Variants in ZFHX3 observed in about 807,000 individuals in gnomAD.
ZFHX3 encodes zinc finger homeobox protein 3.
ZFHX3 carries 42 observed loss-of-function variants against 279.1 expected under a neutral mutation model. That is an observed-to-expected ratio of 0.15 (90% CI 0.12 to 0.19). The LOEUF (loss-of-function observed/expected upper bound fraction) is 0.19. Among genes scored for constraint, ZFHX3 ranks in the 10% least tolerant of loss-of-function variants. ZFHX3 has a pLI of 1.00. For missense variants in ZFHX3, 4,981 were observed against 4,754.0 expected, an observed-to-expected ratio of 1.05 and a Z score of -1.40; for synonymous variants, 2,293 against 1,957.8, an observed-to-expected ratio of 1.17 and a Z score of -4.52.
chr16:72,963,488 A>C (rs1279227959), intron 1 of ZFHX3, among the ~76,000 whole-genome samples: 3 of 152,228 alleles, frequency 2.0e-5, no homozygotes, highest in Non-Finnish European at 4.4e-5. Context: ...TAAATCTGCC[A>C]TCTGAAAGGT....
intron 3 of ZFHX3, among the ~76,000 whole-genome samples, chr16:73,436,058 G>GC (rs2017992315): frequency 1.3e-5 from 2 of 152,176 alleles, no homozygotes; most frequent in Non-Finnish European, 2.9e-5. Flanking sequence ...AGCCCGGCGC[G>GC]GTGGCTCACG....
At chr16:73,483,476 C>A in intron 2 of ZFHX3, 1 of 433,518 alleles carries the variant, frequency 2.3e-6, no homozygotes, top group Non-Finnish European at 4.6e-6. Flanking sequence ...TCTGCCAATT[C>A]AAATGGCAGT....
At chr16:72,906,392 C>A (rs981948659) in intron 3 of ZFHX3, among the ~76,000 whole-genome samples, 1 of 151,690 alleles carries the variant, frequency 6.6e-6, no homozygotes, top group Non-Finnish European at 1.5e-5. Context: ...GGCATGGGAC[C>A]GGGGTGGGGA....
At chr16:73,027,629 C>T (rs1205105343) in intron 1 of ZFHX3, among the ~76,000 whole-genome samples, 2 of 152,122 alleles carry the variant, frequency 1.3e-5, no homozygotes, top group African/African-American at 4.8e-5. Context: ...TTAAATACAG[C>T]GTTAGGGAAA....
chr16:73,709,226 C>A (rs1227326945), intron 1 of ZFHX3, among the ~76,000 whole-genome samples: 1 of 151,856 alleles, frequency 6.6e-6, no homozygotes, highest in Non-Finnish European at 1.5e-5. Context: ...TTAGCCAGGC[C>A]TAGTGGGGTG....
At chr16:73,013,237 C>T (rs971217776) in intron 1 of ZFHX3, among the ~76,000 whole-genome samples, 4 of 152,188 alleles carry the variant, frequency 2.6e-5, no homozygotes, top group Admixed American at 1.3e-4. Context: ...CTTATTCCCA[C>T]AACACTTGGA....
chr16:72,914,891 T>G (rs35760208), intron 3 of ZFHX3, among the ~76,000 whole-genome samples: 19,855 of 152,156 alleles, frequency 0.13, 1,742 homozygotes, highest in Non-Finnish European at 0.2. Context: ...CTCGGGTGGC[T>G]GAGGCAGGAG....
At chr16:73,329,586 T>C (rs1216173756) in intron 3 of ZFHX3, among the ~76,000 whole-genome samples, 9 of 152,234 alleles carry the variant, frequency 5.9e-5, no homozygotes. Flanking sequence ...CTCCAGCATC[T>C]ACAAGCACTT....
chr16:72,987,909 T>A (rs1370358434), intron 1 of ZFHX3, among the ~76,000 whole-genome samples: 1 of 152,200 alleles, frequency 6.6e-6, no homozygotes, highest in Non-Finnish European at 1.5e-5. Context: ...AACTCCAAGC[T>A]GGACGCCCTA....
rs768260931 is a variant in ZFHX3 at position 72,787,746 on chromosome 16, G to A, written c.10530C>T (p.Gly3510=). Residue 3510 remains glycine, a synonymous_variant, in exon 10 of 10, where the codon GGC becomes GGT. Transcript: ENST00000268489. ...CGCCGCCGCCGCCGCCACTGCCACC[G>A]CCGCCGCCGCCGGTGGGGACGTGAA... ...MVLHVPTGGG[G]GGSGGGGGGG... 26 of 1,332,774 alleles carry A rather than the reference G, an allele frequency of 2.0e-5. No individual in the cohort carries two copies. Among genetic ancestry groups the A allele is most frequent in the South Asian group, 1.1e-4 (5 of 44,980 alleles). 82.6% of individuals were successfully genotyped at this position (1,332,774 alleles called of 1,614,324 possible). A position where few individuals can be genotyped will look rare whatever the true frequency, so the allele number is the denominator to read the frequency against.
intron 3 of ZFHX3, among the ~76,000 whole-genome samples, chr16:73,352,423 A>C (rs1361787445): frequency 6.7e-6 from 1 of 148,488 alleles, no homozygotes; most frequent in African/African-American, 2.5e-5. Context: ...TGTTATAAGG[A>C]TAAACGGTGT....
chr16:73,621,580 A>G (rs996859967), intron 2 of ZFHX3, among the ~76,000 whole-genome samples: 1 of 152,198 alleles, frequency 6.6e-6, no homozygotes, highest in Admixed American at 6.5e-5. Context: ...CTAGCACAGC[A>G]TCGGGGAGGG....
intron 3 of ZFHX3, among the ~76,000 whole-genome samples, chr16:73,389,421 C>T (rs1412360188): frequency 6.6e-6 from 1 of 152,174 alleles, no homozygotes; most frequent in Non-Finnish European, 1.5e-5. Flanking sequence ...AAAATCTATT[C>T]CTTAAAAATT....
intron 2 of ZFHX3, among the ~76,000 whole-genome samples, chr16:73,616,426 A>G (rs530619677): frequency 8.2e-6 from 1 of 121,866 alleles, no homozygotes; most frequent in East Asian, 2.2e-4. Flanking sequence ...GCAACTATGG[A>G]GGAAAAAAAA....
chr16:73,070,938 G>GCGCA (rs1213455130), intron 8 of ZFHX3, among the ~76,000 whole-genome samples: 256 of 22,596 alleles, frequency 0.011, 3 homozygotes, highest in African/African-American at 0.02. Flanking sequence ...GCGCGCGCGC[G>GCGCA]CACACACACA....
intron 1 of ZFHX3, among the ~76,000 whole-genome samples, chr16:73,682,614 C>T (rs947913752): frequency 1.9e-4 from 29 of 151,432 alleles, no homozygotes; most frequent in Non-Finnish European, 3.5e-4. Context: ...GGTGAAACCC[C>T]GTCTCTACTA....
intron 4 of ZFHX3, among the ~76,000 whole-genome samples, chr16:73,311,338 T>C (rs2015319893): frequency 6.6e-6 from 1 of 151,824 alleles, no homozygotes; most frequent in African/African-American, 2.4e-5. Flanking sequence ...CTCACACCTG[T>C]AATCCCAGCA....
At chr16:73,306,197 A>C (rs2143147932) in intron 4 of ZFHX3, among the ~76,000 whole-genome samples, 1 of 152,354 alleles carries the variant, frequency 6.6e-6, no homozygotes, top group East Asian at 1.9e-4. Flanking sequence ...AAGAGAACCC[A>C]GTCTGTTTCT....
intron 2 of ZFHX3, among the ~76,000 whole-genome samples, chr16:73,645,503 G>A (rs899934405): frequency 2.0e-5 from 3 of 152,062 alleles, no homozygotes; most frequent in East Asian, 1.9e-4. Flanking sequence ...TGATCTGCCC[G>A]CCTTGGCCTC....
Sources: gnomAD v4.1 joint callset for allele counts (sites outside exome capture counted in the v4.1 genomes callset) on GRCh38, gnomAD v4.1.1 for gene constraint, MANE v1.5 for transcripts, NCBI Gene and HGNC (gene_info 2026-07-23, HGNC 2026-07-21) for gene names.